Variants in SUCLA2 observed in about 807,000 individuals in gnomAD.
The protein encoded by SUCLA2 is succinate-CoA ligase ADP-forming subunit beta.
Under a neutral mutation model 54.8 loss-of-function variants are expected in SUCLA2, and 30 were observed. The ratio of observed to expected loss-of-function variants is 0.55; its 90% CI spans 0.41 to 0.74. The LOEUF (loss-of-function observed/expected upper bound fraction) is 0.74. Ranked by LOEUF, SUCLA2 falls within the 30% of genes least tolerant of loss-of-function variation. The pLI is 0.00. For missense variants in SUCLA2, 476 were observed against 562.9 expected (o/e 0.85, Z 1.56); for synonymous variants, 172 against 188.9 (o/e 0.91, Z 0.74).
rs773995876 is a variant in SUCLA2 at position 47,954,551 on chromosome 13, C to T, written c.809G>A (p.Cys270Tyr). The change falls in exon 7 of 11, where the codon TGT becomes TAT. Residue 270 changes from cysteine (C) to tyrosine (Y), a missense_variant. Cys to Tyr is a radical substitution (Grantham distance 194). Coordinates refer to ENST00000646932, the MANE Select transcript of SUCLA2 (RefSeq NM_003850.3). ...GTCAAAATTGATCTTTGCATCCATACACAATACTTTGAAGGGAAAAAGAGA... is the reference window on the plus strand; with the variant it reads ...GTCAAAATTGATCTTTGCATCCATATACAATACTTTGAAGGGAAAAAGAGA... Reference protein sequence around the residue: ...MVEDSDGAVLCMDAKINFDSN... With the variant: ...MVEDSDGAVLYMDAKINFDSN... The T allele has an allele frequency of 1.9e-6, 3 of 1,613,508 alleles. No individual in the cohort carries two copies. The highest frequency in any genetic ancestry group is 4.5e-5 in the East Asian group (2 of 44,860).
At chr13:47,945,150 G>A (rs1242298637) in intron 10 of SUCLA2, among the ~76,000 whole-genome samples, 1 of 151,072 alleles carries the variant, frequency 6.6e-6, no homozygotes, top group Non-Finnish European at 1.5e-5. Context: ...TTGGGAGGCT[G>A]AGGCAGGAGG....
chr13:47,964,250 A>AT (rs1446518944), intron 6 of SUCLA2, among the ~76,000 whole-genome samples: 3 of 152,048 alleles, frequency 2.0e-5, no homozygotes, highest in Non-Finnish European at 4.4e-5. Context: ...CATTCTCAAA[A>AT]TAAAAAAAAA....
In SUCLA2 at chr13:47,973,307, G is replaced by C. The variant is rs758906219; in HGVS notation, c.620C>G (p.Pro207Arg). Residue 207 changes from proline to arginine, a missense_variant, in exon 5 of 11, where the codon CCT becomes CGT. Coordinates refer to ENST00000646932, the MANE Select transcript of SUCLA2 (RefSeq NM_003850.3). ...AESPEAIIKE[P>R]IDIEEGIKKE... ...TTTGATGCCTTCTTCAATATCAATA[G>C]GTTCTTTAATTATTGCTTCAGGAGA... 3.1e-6 allele frequency: 5 copies of C among 1,613,212 alleles called. No individual in the cohort carries two copies. The highest frequency in any genetic ancestry group is 1.7e-4 in the Middle Eastern group (1 of 6,018).
intron 10 of SUCLA2, among the ~76,000 whole-genome samples, chr13:47,945,499 A>G (rs1206841529): frequency 6.6e-6 from 1 of 151,186 alleles, no homozygotes; most frequent in African/African-American, 2.4e-5. Flanking sequence ...CGAGTGTTCA[A>G]TGAAATGTCT....
intron 5 of SUCLA2, chr13:47,972,100 C>T (rs1305241197): frequency 2.8e-6 from 1 of 362,126 alleles, no homozygotes; most frequent in East Asian, 3.9e-5. Flanking sequence ...AAACAAAATA[C>T]AAAAATTAGC....
intron 6 of SUCLA2, among the ~76,000 whole-genome samples, chr13:47,958,926 C>A (rs1331504000): frequency 6.6e-6 from 1 of 152,062 alleles, no homozygotes; most frequent in Non-Finnish European, 1.5e-5. Context: ...TTTAGGTAAA[C>A]TTCTTGTGTA....
chr13:47,953,831 T>C (rs1017384151), intron 8 of SUCLA2, among the ~76,000 whole-genome samples: 1 of 152,130 alleles, frequency 6.6e-6, no homozygotes, highest in Non-Finnish European at 1.5e-5. Flanking sequence ...TAGTGATTAA[T>C]AATATATATG....
intron 5 of SUCLA2, among the ~76,000 whole-genome samples, chr13:47,972,797 G>C (rs1949978777): frequency 7.1e-6 from 1 of 141,654 alleles, no homozygotes. Context: ...GCCCAGGCTG[G>C]AGTGCAGTGG....
chr13:47,999,988 A>G (rs1289685341), intron 1 of SUCLA2, among the ~76,000 whole-genome samples: 1 of 152,162 alleles, frequency 6.6e-6, no homozygotes, highest in Non-Finnish European at 1.5e-5. Context: ...CGTATTTGTC[A>G]CTAAATTCCC....
Position 47,996,955 on chromosome 13 carries a change from G to A in SUCLA2, c.159C>T (p.Leu53=). The A allele has an allele frequency of 6.2e-7, 1 of 1,614,104 alleles. No individual in the cohort carries two copies. Among genetic ancestry groups the A allele is most frequent in the African/African-American group, 1.3e-5 (1 of 75,042 alleles). ...LQVQQQQQRN[L]SLHEYMSMEL... Reference sequence around the variant, plus strand: ...CCATACTCATGTATTCATGTAGTGAGAGATTCCTTTGCTGTTGCTGCTGTA... The same window carrying A: ...CCATACTCATGTATTCATGTAGTGAAAGATTCCTTTGCTGTTGCTGCTGTA... Residue 53 remains leucine (L), a synonymous_variant, in exon 2 of 11, where the codon CTC becomes CTT. Coordinates refer to ENST00000646932, the MANE Select transcript of SUCLA2 (RefSeq NM_003850.3).
chr13:47,970,134 T>A (rs962665782), intron 5 of SUCLA2, among the ~76,000 whole-genome samples: 1 of 148,772 alleles, frequency 6.7e-6, no homozygotes, highest in African/African-American at 2.5e-5. Flanking sequence ...CACTAAGGAA[T>A]GTAATCTTTT....
chr13:47,965,900 T>C (rs915631825), intron 6 of SUCLA2, among the ~76,000 whole-genome samples: 1 of 152,038 alleles, frequency 6.6e-6, no homozygotes, highest in African/African-American at 2.4e-5. Flanking sequence ...TACAAACAAT[T>C]AGCCGTATGC....
intron 4 of SUCLA2, among the ~76,000 whole-genome samples, chr13:47,974,116 C>A (rs1010771785): frequency 6.6e-6 from 1 of 151,580 alleles, no homozygotes; most frequent in Admixed American, 6.6e-5. Flanking sequence ...AAACTTAACA[C>A]CAAATATGTA....
chr13:47,950,276 A>G (rs1949765913), intron 8 of SUCLA2, among the ~76,000 whole-genome samples: 1 of 152,188 alleles, frequency 6.6e-6, no homozygotes, highest in African/African-American at 2.4e-5. Context: ...AGCTCACTAC[A>G]TAAAGGATAA....
At chr13:47,965,414 A>G (rs1177950211) in intron 6 of SUCLA2, among the ~76,000 whole-genome samples, 4 of 151,814 alleles carry the variant, frequency 2.6e-5, no homozygotes, top group Admixed American at 1.3e-4. Flanking sequence ...TGCACTATGA[A>G]GGAAAAAAAA....
intron 6 of SUCLA2, among the ~76,000 whole-genome samples, chr13:47,959,021 C>T (rs1290824088): frequency 1.3e-5 from 2 of 152,170 alleles, no homozygotes; most frequent in African/African-American, 2.4e-5. Context: ...TAGGGAAATA[C>T]GTTTCTAAAA....
intron 2 of SUCLA2, among the ~76,000 whole-genome samples, chr13:47,993,363 C>T (rs181711400): frequency 4.3e-4 from 66 of 152,368 alleles, no homozygotes; most frequent in African/African-American, 1.5e-3. Flanking sequence ...GTGCTAATAA[C>T]CATCCCTTTG....
At chr13:47,984,193 A>C (rs894734066) in intron 4 of SUCLA2, among the ~76,000 whole-genome samples, 5 of 149,874 alleles carry the variant, frequency 3.3e-5, no homozygotes, top group Non-Finnish European at 1.5e-5. Context: ...TCTACTTTTC[A>C]CTTTTTTTTT....
intron 4 of SUCLA2, among the ~76,000 whole-genome samples, chr13:47,980,007 T>G (rs1220872315): frequency 6.6e-6 from 1 of 152,208 alleles, no homozygotes; most frequent in East Asian, 1.9e-4. Context: ...AAAAGGAAAT[T>G]ATGGAAATAA....
Sources: gnomAD v4.1 joint callset for allele counts (sites outside exome capture counted in the v4.1 genomes callset) on GRCh38, gnomAD v4.1.1 for gene constraint, MANE v1.5 for transcripts, NCBI Gene and HGNC (gene_info 2026-07-23, HGNC 2026-07-21) for gene names.